Variants in PPP2R2C observed in about 807,000 individuals in gnomAD.
PPP2R2C encodes protein phosphatase 2, regulatory subunit B, gamma.
A neutral mutation model predicts 45.3 loss-of-function variants in PPP2R2C; 10 were observed. The ratio of observed to expected loss-of-function variants is 0.22; its 90% CI spans 0.14 to 0.37. The LOEUF (loss-of-function observed/expected upper bound fraction) is 0.37, where lower values mean the gene tolerates loss of function less well. Among genes scored for constraint, PPP2R2C ranks in the 10% least tolerant of loss-of-function variants. The pLI is 1.00. For missense variants in PPP2R2C, 308 were observed against 619.7 expected (o/e 0.50, Z 5.34); for synonymous variants, 257 against 245.4 (o/e 1.05, Z -0.44).
intron 1 of PPP2R2C, among the ~76,000 whole-genome samples, chr4:6,557,974 C>A (rs886322853): frequency 6.6e-6 from 1 of 152,138 alleles, no homozygotes; most frequent in Non-Finnish European, 1.5e-5. Context: ...TCTCCTCCTC[C>A]CCTGTGGACA....
intron 2 of PPP2R2C, among the ~76,000 whole-genome samples, chr4:6,511,696 G>C (rs1723532114): frequency 2.7e-5 from 2 of 75,102 alleles, no homozygotes; most frequent in East Asian, 3.2e-4. Context: ...GGTGATGGTG[G>C]TGATGGTGGT....
intron 2 of PPP2R2C, among the ~76,000 whole-genome samples, chr4:6,509,931 T>C (rs1723372252): frequency 6.6e-6 from 1 of 152,206 alleles, no homozygotes; most frequent in Non-Finnish European, 1.5e-5. Flanking sequence ...TCCTGCACCC[T>C]CCACGTGTAA....
At chr4:6,513,297 C>T (rs1184222281) in intron 2 of PPP2R2C, among the ~76,000 whole-genome samples, 3 of 152,174 alleles carry the variant, frequency 2.0e-5, no homozygotes, top group Admixed American at 6.5e-5. Context: ...CCCTGGAATA[C>T]GATGGAGTCA....
chr4:6,509,639 G>A (rs924949209), intron 2 of PPP2R2C, among the ~76,000 whole-genome samples: 7 of 152,170 alleles, frequency 4.6e-5, no homozygotes, highest in Non-Finnish European at 8.8e-5. Flanking sequence ...CCCTTTCAGA[G>A]AGCTCAACCC....
chr4:6,511,751 C>T (rs201729805), intron 2 of PPP2R2C, among the ~76,000 whole-genome samples: 2 of 3,530 alleles, frequency 5.7e-4, no homozygotes, highest in African/African-American at 1.5e-3. Flanking sequence ...GTGGTGATGG[C>T]AATGGTGGTG....
intron 5 of PPP2R2C, 123 bp downstream of exon 5, chr4:6,372,400 A>G (rs1202982524): frequency 9.8e-7 from 1 of 1,023,104 alleles, no homozygotes; most frequent in African/African-American, 1.6e-5. Context: ...GAGGTGCCTC[A>G]CTGAAGAAGT....
intron 1 of PPP2R2C, among the ~76,000 whole-genome samples, chr4:6,431,123 C>T (rs1560542753): frequency 1.3e-5 from 2 of 152,184 alleles, no homozygotes; most frequent in Admixed American, 6.5e-5. Context: ...ATCAGTATAA[C>T]TGAGCAAGGG....
At chr4:6,422,485 C>T (rs1446267393) in intron 1 of PPP2R2C, among the ~76,000 whole-genome samples, 2 of 152,198 alleles carry the variant, frequency 1.3e-5, no homozygotes, top group Non-Finnish European at 2.9e-5. Flanking sequence ...ATTTCTAGTG[C>T]CACCATAACA....
chr4:6,415,703 G>A (rs1718531471), intron 1 of PPP2R2C, among the ~76,000 whole-genome samples: 1 of 152,200 alleles, frequency 6.6e-6, no homozygotes, highest in African/African-American at 2.4e-5. Flanking sequence ...GGGCAGCAGT[G>A]AGGGGCTTTG....
intron 1 of PPP2R2C, among the ~76,000 whole-genome samples, chr4:6,456,549 T>C (rs1721049054): frequency 6.6e-6 from 1 of 152,160 alleles, no homozygotes; most frequent in South Asian, 2.1e-4. Flanking sequence ...ACCTTTCACA[T>C]TGAAAGTCGG....
intron 2 of PPP2R2C, among the ~76,000 whole-genome samples, chr4:6,483,639 T>G (rs1722436723): frequency 6.6e-6 from 1 of 152,152 alleles, no homozygotes; most frequent in Non-Finnish European, 1.5e-5. Flanking sequence ...GCCTTCTTAC[T>G]ATTGAGTTTT....
chr4:6,365,491 G>A (rs914707805), intron 5 of PPP2R2C, among the ~76,000 whole-genome samples: 1 of 152,168 alleles, frequency 6.6e-6, no homozygotes, highest in Non-Finnish European at 1.5e-5. Flanking sequence ...CCTGGTAAAG[G>A]AGACACACTC....
intron 1 of PPP2R2C, among the ~76,000 whole-genome samples, chr4:6,404,231 C>T (rs1004979300): frequency 6.6e-6 from 1 of 152,158 alleles, no homozygotes; most frequent in Admixed American, 6.5e-5. Flanking sequence ...CCCCCCCTCC[C>T]ATACACAAGT....
intron 2 of PPP2R2C, among the ~76,000 whole-genome samples, chr4:6,522,064 G>A (rs373973200): frequency 1.2e-4 from 18 of 152,186 alleles, no homozygotes; most frequent in African/African-American, 3.4e-4. Flanking sequence ...AACCTCACCC[G>A]ATGGGCCTGT....
intron 1 of PPP2R2C, among the ~76,000 whole-genome samples, chr4:6,441,630 G>T (rs1305557778): frequency 6.6e-6 from 1 of 152,182 alleles, no homozygotes; most frequent in Non-Finnish European, 1.5e-5. Context: ...CACAGCCAGG[G>T]CTCTACCCTC....
rs1046399271 is a variant in PPP2R2C, at chr4:6,368,863, G to A, written c.625+3660C>T. ...CACGACATACACACCTCCAAAGCTG[G>A]CTAGTGACACGCCCCTGTTTACAGT... On this transcript the variant is annotated intron_variant, in intron 5 of 8. Coordinates refer to ENST00000382599, the MANE Select transcript of PPP2R2C (RefSeq NM_020416.4). This position sits in a 1 kb window ranked among gnomAD's most constrained non-coding sequence, Gnocchi z 4.2. 4.6e-5 allele frequency among the ~76,000 whole-genome samples: 7 copies of A among 152,068 alleles called. No homozygotes were observed. Among genetic ancestry groups the A allele is most frequent in the Admixed American group, 4.6e-4 (7 of 15,262 alleles).
At chr4:6,413,356 G>A (rs1395735475) in intron 1 of PPP2R2C, among the ~76,000 whole-genome samples, 1 of 152,226 alleles carries the variant, frequency 6.6e-6, no homozygotes, top group Non-Finnish European at 1.5e-5. Context: ...ACTCGTGCAT[G>A]TGTGCACACA....
intron 1 of PPP2R2C, among the ~76,000 whole-genome samples, chr4:6,410,052 C>G (rs1398295718): frequency 6.6e-6 from 1 of 152,168 alleles, no homozygotes; most frequent in Non-Finnish European, 1.5e-5. Context: ...GCAGAGGGGG[C>G]TCCAGCTCCA....
rs1315659536 is a variant in PPP2R2C, at chr4:6,329,650, A to G, written c.961-297T>C. 7.2e-6 allele frequency among the ~76,000 whole-genome samples: 1 copy of G among 139,850 alleles called. No individual in the cohort carries two copies. Among genetic ancestry groups the G allele is most frequent in the African/African-American group, 3.3e-5 (1 of 30,384 alleles). 91.7% of individuals were successfully genotyped at this position (139,850 alleles called of 152,430 possible). ...GCACACGGCTGACCTCCACCGTGAC[A>G]CAGCCCAATACAGCCCTGCTCATCT... On this transcript the variant is annotated intron_variant, in intron 7 of 8. Transcript: ENST00000382599. The surrounding 1 kb of genome is among the most constrained non-coding windows in gnomAD (Gnocchi z 5.8).
Sources: allele counts gnomAD v4.1 joint callset (sites outside exome capture counted in the v4.1 genomes callset), GRCh38; gene constraint gnomAD v4.1.1; non-coding constraint Gnocchi (gnomAD v3.1); transcripts MANE v1.5; gene names NCBI Gene and HGNC (gene_info 2026-07-23, HGNC 2026-07-21).